COL19A1: variants seen among roughly 807,000 people sequenced by gnomAD.
COL19A1 encodes collagen alpha-1(XIX) chain.
A neutral mutation model predicts 190.2 loss-of-function variants in COL19A1; 159 were observed. That is an observed-to-expected ratio of 0.84 (90% CI 0.73 to 0.95). COL19A1 has a LOEUF of 0.95. COL19A1 is among the 40% of genes least tolerant of loss of function. The pLI, the probability that COL19A1 is intolerant of heterozygous loss-of-function variation, is 0.00. For missense variants in COL19A1, 1,418 were observed against 1,431.9 expected, an observed-to-expected ratio of 0.99 and a Z score of 0.16; for synonymous variants, 509 against 458.9, an observed-to-expected ratio of 1.11 and a Z score of -1.39.
chr6:69,939,560 G>A (rs1773321311), intron 9 of COL19A1, among the ~76,000 whole-genome samples: 1 of 152,052 alleles, frequency 6.6e-6, no homozygotes, highest in South Asian at 2.1e-4. Flanking sequence ...CTGCCACTAT[G>A]TTCTAAAAGC....
At chr6:69,870,529 AC>A (rs1306260398) in intron 1 of COL19A1, among the ~76,000 whole-genome samples, 1 of 152,196 alleles carries the variant, frequency 6.6e-6, no homozygotes, top group East Asian at 1.9e-4. Flanking sequence ...ACATGCAGAA[AC>A]CTGTGAATTG....
chr6:70,083,780 A>C (rs1582870725), intron 15 of COL19A1, among the ~76,000 whole-genome samples: 1 of 152,228 alleles, frequency 6.6e-6, no homozygotes, highest in South Asian at 2.1e-4. Flanking sequence ...CTTAGAACCC[A>C]GGCAGCCATA....
At chr6:70,174,178 C>A (rs1276741405) in intron 41 of COL19A1, among the ~76,000 whole-genome samples, 2 of 152,130 alleles carry the variant, frequency 1.3e-5, no homozygotes, top group African/African-American at 4.8e-5. Context: ...GGGAGAAGGT[C>A]CATAGTTCAG....
At chr6:69,920,335 C>T (rs1771610750) in intron 4 of COL19A1, among the ~76,000 whole-genome samples, 1 of 152,132 alleles carries the variant, frequency 6.6e-6, no homozygotes, top group South Asian at 2.1e-4. Context: ...ATATGGTTTT[C>T]TTCCATTTTA....
intron 14 of COL19A1, among the ~76,000 whole-genome samples, chr6:70,036,365 A>G (rs16868458): frequency 0.11 from 16,687 of 152,290 alleles, 1,165 homozygotes; most frequent in East Asian, 0.32. Context: ...ACTGGTAATT[A>G]CATTCTCCCA....
At chr6:69,921,370 TATATATCATATATATCATATATATC>T (rs1367877927) in intron 4 of COL19A1, among the ~76,000 whole-genome samples, 3 of 109,050 alleles carry the variant, frequency 2.8e-5, no homozygotes, top group South Asian at 2.9e-4. Context: ...ATATATATCA[TATATATCATATATATCATATATATC>T]ATATATCATA....
chr6:69,968,945 T>C lies in COL19A1; in HGVS notation c.1026+6075T>C, dbSNP rs370055103. Among the ~76,000 whole-genome samples, 59 of 152,322 alleles carry C rather than the reference T, an allele frequency of 3.9e-4. No homozygotes were observed. The East Asian group carries it at 8.1e-3, about 21-fold the overall frequency. On this transcript the variant is annotated intron_variant, in intron 11 of 50. Transcript: ENST00000620364. The stretch of plus-strand genomic sequence containing the variant: ...TTATTTTGAAAGTGATGGTGACATA[T>C]CGTAAAATAAATGGATTCACATATT...
chr6:70,137,522 C>T (rs545793776), intron 18 of COL19A1, among the ~76,000 whole-genome samples, 163 bp from the exon 19 acceptor site: 2 of 152,214 alleles, frequency 1.3e-5, no homozygotes, highest in South Asian at 2.1e-4. Flanking sequence ...AACACATTAT[C>T]ATAAAAATAG....
chr6:70,190,170 C>T, intron 47 of COL19A1, 145 bp from the exon 48 acceptor site: 1 of 643,242 alleles, frequency 1.6e-6, no homozygotes, highest in Non-Finnish European at 2.7e-6. Context: ...ATATTTATTG[C>T]CCAATATAAT....
At chr6:70,100,159 TA>T (rs2150185544) in intron 15 of COL19A1, among the ~76,000 whole-genome samples, 1 of 152,322 alleles carries the variant, frequency 6.6e-6, no homozygotes, top group East Asian at 1.9e-4. Context: ...GGTTTTAACT[TA>T]CCTCAACCTA....
chr6:70,140,890 C>T (rs1168390670), intron 19 of COL19A1, 64 bp from the exon 20 acceptor site: 8 of 1,525,634 alleles, frequency 5.2e-6, no homozygotes, highest in Non-Finnish European at 7.3e-6. Context: ...GGTTTATCCA[C>T]ACCCCGGTTT....
At chr6:70,161,556 C>A (rs572054287) in intron 34 of COL19A1, among the ~76,000 whole-genome samples, 3 of 151,956 alleles carry the variant, frequency 2.0e-5, no homozygotes, top group Non-Finnish European at 4.4e-5. Context: ...ATATAATGGA[C>A]GTTGGAGGCC....
rs755700235 is a variant in COL19A1, at chr6:70,146,780, C to G, written c.1816-32C>G. 10 of 1,589,276 alleles carry G rather than the reference C, an allele frequency of 6.3e-6. No individual in the cohort carries two copies. In the Admixed American group the frequency reaches 9.1e-5, roughly 14 times the overall value. ...AGCAGAAAAATGTATGTCTCTTGAGCCTTGCAGTAACAGAAGCCTTTCATT... is the reference window on the plus strand; with the variant it reads ...AGCAGAAAAATGTATGTCTCTTGAGGCTTGCAGTAACAGAAGCCTTTCATT... On this transcript the variant is annotated intron_variant, in intron 26 of 50. Transcript: ENST00000620364.
At chr6:70,183,894 T>A (rs1766337054) in intron 44 of COL19A1, among the ~76,000 whole-genome samples, 1 of 152,164 alleles carries the variant, frequency 6.6e-6, no homozygotes, top group Non-Finnish European at 1.5e-5. Flanking sequence ...TCAAATCAGA[T>A]CTCTAAAACA....
At chr6:70,151,554 TG>T in intron 31 of COL19A1, 116 bp downstream of exon 31, 1 of 880,000 alleles carries the variant, frequency 1.1e-6, no homozygotes, top group Non-Finnish European at 1.8e-6. Flanking sequence ...AATTTTTAAA[TG>T]GCAGGACATC....
chr6:70,038,404 A>G (rs1223260995), intron 14 of COL19A1, among the ~76,000 whole-genome samples: 4 of 152,236 alleles, frequency 2.6e-5, no homozygotes, highest in African/African-American at 9.6e-5. Flanking sequence ...TGGGAACTAG[A>G]ATGGAAAAAG....
chr6:70,000,889 A>G (rs1215614151), intron 11 of COL19A1, among the ~76,000 whole-genome samples: 1 of 151,948 alleles, frequency 6.6e-6, no homozygotes, highest in Non-Finnish European at 1.5e-5. Context: ...CCCATTTGTT[A>G]ATTTTGGCTT....
intron 36 of COL19A1, 110 bp downstream of exon 36, chr6:70,163,506 T>A: frequency 1.0e-6 from 1 of 993,760 alleles, no homozygotes; most frequent in Non-Finnish European, 1.5e-6. Flanking sequence ...AAAGTAGAAA[T>A]GATGGTAGAA....
intron 12 of COL19A1, 67 bp from the exon 13 acceptor site, chr6:70,034,178 G>T: frequency 9.4e-7 from 1 of 1,067,638 alleles, no homozygotes; most frequent in East Asian, 2.4e-5. Context: ...GATTTATTTT[G>T]TTACTAATGA....
Sources: allele counts gnomAD v4.1 joint callset (sites outside exome capture counted in the v4.1 genomes callset), GRCh38; gene constraint gnomAD v4.1.1; transcripts MANE v1.5; gene names NCBI Gene and HGNC (gene_info 2026-07-23, HGNC 2026-07-21).